The following RGS6 variants were observed in gnomAD, a reference collection of about 807,000 sequenced individuals.
The protein encoded by RGS6 is regulator of G protein signaling 6.
In RGS6, 30 loss-of-function variants were observed where a neutral mutation model predicts 78.5. That is an observed-to-expected ratio of 0.38 (90% CI 0.29 to 0.52). The LOEUF is 0.52. RGS6 is among the 20% of genes least tolerant of loss of function. The pLI, the probability that RGS6 is intolerant of heterozygous loss-of-function variation, is 0.85. For synonymous variants in RGS6, 206 were observed against 206.0 expected (o/e 1.00, Z 0.00); for missense variants, 495 against 609.7 (o/e 0.81, Z 1.98).
chr14:72,622,404 A>C, the RGS6 span, among the ~76,000 whole-genome samples: 113 of 152,294 alleles, frequency 7.4e-4, 1 homozygote, highest in African/African-American at 2.6e-3. Flanking sequence ...AGCCAGCATA[A>C]GCTACAGGAC....
chr14:72,014,684 A>G (rs77591978), intron 2 of RGS6, among the ~76,000 whole-genome samples: 5,301 of 152,348 alleles, frequency 0.035, 316 homozygotes, highest in African/African-American at 0.12. Flanking sequence ...ACAACATTAC[A>G]TGCCAGATAG....
chr14:72,595,460 C>A, the RGS6 span, among the ~76,000 whole-genome samples: 1 of 70,890 alleles, frequency 1.4e-5, no homozygotes, highest in African/African-American at 6.0e-5. Context: ...CCTGCAACCT[C>A]TTAGTTTAAA....
the RGS6 span, among the ~76,000 whole-genome samples, chr14:72,602,529 C>G: frequency 1.3e-5 from 2 of 152,196 alleles, no homozygotes; most frequent in Admixed American, 1.3e-4. Context: ...CAAGGGTTCT[C>G]AGGCCCCAAA....
chr14:72,322,246 CT>C (rs760379979), intron 2 of RGS6, among the ~76,000 whole-genome samples: 3 of 151,868 alleles, frequency 2.0e-5, no homozygotes, highest in Non-Finnish European at 4.4e-5. Context: ...AAGAATAAAT[CT>C]TTAAGTTAGC....
intron 3 of RGS6, among the ~76,000 whole-genome samples, chr14:72,411,507 T>C (rs1331366849): frequency 6.6e-6 from 1 of 152,244 alleles, no homozygotes; most frequent in Admixed American, 6.5e-5. Context: ...TCATGTCATC[T>C]GCAAACAGGG....
chr14:72,072,382 C>T (rs1490135066), intron 2 of RGS6, among the ~76,000 whole-genome samples: 2 of 151,440 alleles, frequency 1.3e-5, no homozygotes, highest in African/African-American at 2.4e-5. Context: ...AATCTCGGCT[C>T]ACTGCAACCT....
chr14:72,424,390 G>A (rs2094342543), intron 3 of RGS6, among the ~76,000 whole-genome samples: 2 of 152,192 alleles, frequency 1.3e-5, no homozygotes, highest in African/African-American at 4.8e-5. Flanking sequence ...TTTTAGTTCA[G>A]GGGTCAGCAA....
the RGS6 span, among the ~76,000 whole-genome samples, chr14:71,882,880 G>A: frequency 2.6e-5 from 4 of 152,144 alleles, no homozygotes; most frequent in East Asian, 7.7e-4. Flanking sequence ...CCTACCAGAT[G>A]TTTCCCCTAA....
intron 2 of RGS6, among the ~76,000 whole-genome samples, chr14:72,005,047 T>C (rs2084246997): frequency 6.6e-6 from 1 of 152,186 alleles, no homozygotes; most frequent in South Asian, 2.1e-4. Context: ...TGTAAAAATG[T>C]GTGCATAAGT....
intron 2 of RGS6, among the ~76,000 whole-genome samples, chr14:72,273,895 T>G (rs1324953243): frequency 6.6e-6 from 1 of 152,210 alleles, no homozygotes; most frequent in South Asian, 2.1e-4. Context: ...TGGAATTTCC[T>G]CCGGAATGTG....
At chr14:71,869,827 G>A in the RGS6 span, among the ~76,000 whole-genome samples, 1 of 152,136 alleles carries the variant, frequency 6.6e-6, no homozygotes, top group Non-Finnish European at 1.5e-5. Context: ...AGGCCATGAG[G>A]ATCCACCCTC....
intron 2 of RGS6, among the ~76,000 whole-genome samples, chr14:71,986,592 CCCA>C: frequency 6.6e-6 from 1 of 151,824 alleles, no homozygotes; most frequent in South Asian, 2.1e-4. Flanking sequence ...CACCTGTAAT[CCCA>C]ACTACTCAGG....
At chr14:72,380,143 A>C (rs72726116) in intron 3 of RGS6, among the ~76,000 whole-genome samples, 13,052 of 152,090 alleles carry the variant, frequency 0.086, 755 homozygotes, top group East Asian at 0.31. Flanking sequence ...CTAGACGCTC[A>C]TCTCTCATCC....
intron 2 of RGS6, among the ~76,000 whole-genome samples, chr14:72,251,860 A>G (rs1343635731): frequency 6.6e-6 from 1 of 152,220 alleles, no homozygotes; most frequent in Non-Finnish European, 1.5e-5. Flanking sequence ...TGAACCTAAA[A>G]TAAAAGTTGA....
At chr14:72,359,050 T>G (rs2152776564) in intron 3 of RGS6, among the ~76,000 whole-genome samples, 1 of 152,344 alleles carries the variant, frequency 6.6e-6, no homozygotes, top group African/African-American at 2.4e-5. Context: ...TACCTCACTC[T>G]TCACATCTCC....
chr14:72,074,519 G>A (rs2094511778), intron 2 of RGS6, among the ~76,000 whole-genome samples: 2 of 152,000 alleles, frequency 1.3e-5, no homozygotes, highest in African/African-American at 4.8e-5. Context: ...TCTTTAAACT[G>A]GAAACTAGCA....
intron 2 of RGS6, among the ~76,000 whole-genome samples, chr14:72,037,210 G>A (rs1238608692): frequency 1.3e-5 from 2 of 152,136 alleles, no homozygotes; most frequent in Non-Finnish European, 1.5e-5. Flanking sequence ...ACATAGATGG[G>A]GCCAAATAAG....
the RGS6 span, among the ~76,000 whole-genome samples, chr14:71,896,106 A>G: frequency 6.6e-6 from 1 of 151,980 alleles, no homozygotes; most frequent in East Asian, 1.9e-4. Context: ...AGCACTGTAA[A>G]TTTTCTAGAA....
intron 2 of RGS6, among the ~76,000 whole-genome samples, chr14:72,171,936 C>T (rs575942468): frequency 3.3e-5 from 5 of 152,260 alleles, no homozygotes; most frequent in African/African-American, 7.2e-5. Context: ...CTAACCTAGG[C>T]CATCTGGCTC....
Sources: gnomAD v4.1 joint callset for allele counts (sites outside exome capture counted in the v4.1 genomes callset) on GRCh38, gnomAD v4.1.1 for gene constraint, MANE v1.5 for transcripts, NCBI Gene and HGNC (gene_info 2026-07-23, HGNC 2026-07-21) for gene names.